The following CNGA1 variants were observed in gnomAD, a reference collection of about 807,000 sequenced individuals.
CNGA1 encodes cyclic nucleotide gated channel subunit alpha 1, also known as cyclic nucleotide-gated channel alpha-1.
In CNGA1, 53 loss-of-function variants were observed where a neutral mutation model predicts 69.7. The observed-to-expected ratio is 0.76, with a 90% confidence interval of 0.61 to 0.96. The LOEUF (loss-of-function observed/expected upper bound fraction) is 0.96. CNGA1 is among the 40% of genes least tolerant of loss of function. CNGA1 has a pLI of 0.00. For synonymous variants in CNGA1, 249 were observed against 283.5 expected, an observed-to-expected ratio of 0.88 and a Z score of 1.22; for missense variants, 739 against 811.2, an observed-to-expected ratio of 0.91 and a Z score of 1.08.
rs1714886568 is a variant in CNGA1, at chr4:48,005,623, A to G, written c.-123+5171T>C. On this transcript the variant is annotated intron_variant, in intron 2 of 10. Coordinates refer to ENST00000514170, the MANE Select transcript of CNGA1 (RefSeq NM_001379270.1). ...AAATTCCTTTCCTGTTGAGGTTCCAAGATAAACCTGGGGCTCCTGGACCTG... is the reference window on the plus strand; with the variant it reads ...AAATTCCTTTCCTGTTGAGGTTCCAGGATAAACCTGGGGCTCCTGGACCTG... Among the ~76,000 whole-genome samples, 6 of 152,164 alleles carry G rather than the reference A, an allele frequency of 3.9e-5. No individual in the cohort carries two copies. In the South Asian group the frequency reaches 1.2e-3, roughly 32 times the overall value.
At chr4:47,986,611 T>C (rs1424542629) in intron 2 of CNGA1, among the ~76,000 whole-genome samples, 1 of 152,166 alleles carries the variant, frequency 6.6e-6, no homozygotes, top group Non-Finnish European at 1.5e-5. Context: ...TAAAATTTGC[T>C]CAAATGTTTG....
At chr4:47,988,642 T>C (rs1742093857) in intron 2 of CNGA1, among the ~76,000 whole-genome samples, 1 of 152,172 alleles carries the variant, frequency 6.6e-6, no homozygotes, top group African/African-American at 2.4e-5. Context: ...ATATTATATT[T>C]AGTATAATAT....
chr4:47,963,411 T>C (rs1197834454), intron 3 of CNGA1, among the ~76,000 whole-genome samples: 1 of 152,246 alleles, frequency 6.6e-6, no homozygotes, highest in African/African-American at 2.4e-5. Flanking sequence ...GCCGCTATCA[T>C]ATTCCTGATA....
At chr4:47,958,495 G>T (rs565788042) in intron 3 of CNGA1, among the ~76,000 whole-genome samples, 2 of 152,088 alleles carry the variant, frequency 1.3e-5, no homozygotes, top group East Asian at 3.9e-4. Flanking sequence ...ATGATGGCGG[G>T]TGACTAATCC....
intron 8 of CNGA1, 39 bp from the exon 9 acceptor site, chr4:47,942,187 T>C: frequency 2.4e-6 from 3 of 1,227,446 alleles, no homozygotes; most frequent in Non-Finnish European, 3.6e-6. Context: ...GTTACCAAGA[T>C]ACAAGAACAT....
intron 3 of CNGA1, among the ~76,000 whole-genome samples, chr4:47,973,039 T>C (rs1741126323): frequency 6.6e-6 from 1 of 151,698 alleles, no homozygotes; most frequent in Non-Finnish European, 1.5e-5. Context: ...GAAAGGCTGA[T>C]ATAGTACACA....
chr4:47,982,025 G>A (rs1741740178), intron 2 of CNGA1, among the ~76,000 whole-genome samples: 1 of 152,114 alleles, frequency 6.6e-6, no homozygotes, highest in African/African-American at 2.4e-5. Flanking sequence ...AATAAAATAG[G>A]ATAAAGCTGA....
intron 2 of CNGA1, among the ~76,000 whole-genome samples, chr4:47,998,746 C>A (rs1714515202): frequency 6.6e-6 from 1 of 152,026 alleles, no homozygotes. Context: ...CTGCTGCACT[C>A]CAGTTGGGCA....
At chr4:47,971,716 A>G (rs1205668421) in intron 3 of CNGA1, among the ~76,000 whole-genome samples, 2 of 152,212 alleles carry the variant, frequency 1.3e-5, no homozygotes, top group East Asian at 3.8e-4. Flanking sequence ...CAACATGGTG[A>G]AATCCCGTCT....
At chr4:47,983,415 CCT>C (rs1741832739) in intron 2 of CNGA1, among the ~76,000 whole-genome samples, 1 of 151,812 alleles carries the variant, frequency 6.6e-6, no homozygotes, top group Non-Finnish European at 1.5e-5. Flanking sequence ...ATGAGGAAAC[CCT>C]GTCTCTACTA....
intron 3 of CNGA1, among the ~76,000 whole-genome samples, chr4:47,963,117 T>A (rs1294597392): frequency 1.3e-5 from 2 of 152,056 alleles, no homozygotes; most frequent in African/African-American, 4.8e-5. Context: ...ACCACCACAT[T>A]TGGCTAATTT....
At chr4:48,008,191 T>TA (rs1715003456) in intron 2 of CNGA1, among the ~76,000 whole-genome samples, 1 of 152,160 alleles carries the variant, frequency 6.6e-6, no homozygotes, top group South Asian at 2.1e-4. Context: ...GGGTTTTTTT[T>TA]AAATAAATTC....
intron 3 of CNGA1, chr4:47,958,953 T>C (rs1316291318): frequency 6.6e-6 from 1 of 152,230 alleles, no homozygotes; most frequent in African/African-American, 2.4e-5. Context: ...AAGTTAAAGC[T>C]ACAAATAAAT....
rs1390166856 is a variant in CNGA1, at chr4:47,936,019, A to C, written c.*402T>G. On this transcript the variant is annotated 3_prime_UTR_variant, in exon 11 of 11. Coordinates refer to ENST00000514170, the MANE Select transcript of CNGA1 (RefSeq NM_001379270.1). ...CTTTATTGCAGTCTAATTTTTAAAAATGTTATCCCAAATATGATGTACATG... is the reference window on the plus strand; with the variant it reads ...CTTTATTGCAGTCTAATTTTTAAAACTGTTATCCCAAATATGATGTACATG... 5.3e-6 allele frequency: 1 copy of C among 188,886 alleles called. No homozygotes were observed. The highest frequency in any genetic ancestry group is 2.4e-5 in the African/African-American group (1 of 42,082). 11.7% of individuals were successfully genotyped at this position (188,886 alleles called of 1,614,324 possible).
rs1391354802 is a variant in CNGA1 at position 47,995,206 on chromosome 4, T to C, written c.-122-13706A>G. 3.9e-5 allele frequency among the ~76,000 whole-genome samples: 6 copies of C among 152,200 alleles called. No homozygotes were observed. In the East Asian group the frequency reaches 9.6e-4, roughly 24 times the overall value. On this transcript the variant is annotated intron_variant, in intron 2 of 10. Transcript: ENST00000514170. ...TCCTAGGTGTTCTTTGTGCTTCTTGTATTTGGATGTCTAGGTCTCTAGCAA... is the reference window on the plus strand; with the variant it reads ...TCCTAGGTGTTCTTTGTGCTTCTTGCATTTGGATGTCTAGGTCTCTAGCAA...
Position 47,949,889 on chromosome 4 carries a change from C to T in CNGA1, c.231G>A (p.Gln77=). The change falls in exon 6 of 11, where the codon CAG becomes CAA. Residue 77 remains glutamine, a synonymous_variant. Coordinates refer to ENST00000514170, the MANE Select transcript of CNGA1 (RefSeq NM_001379270.1). ...AAAGTGCAATGGCACCAGGCAGGTA[C>T]TGCTCCCTGGGAAATGAAAAACATG... ...LRKGGPSQRE[Q]YLPGAIALFN... 6.2e-7 allele frequency: 1 copy of T among 1,613,982 alleles called. No individual in the cohort carries two copies. Among genetic ancestry groups the T allele is most frequent in the Non-Finnish European group, 8.5e-7 (1 of 1,179,868 alleles).
intron 3 of CNGA1, among the ~76,000 whole-genome samples, chr4:47,974,113 TA>T (rs202090246): frequency 6.8e-6 from 1 of 147,118 alleles, no homozygotes; most frequent in African/African-American, 2.5e-5. Context: ...GATAGATAGA[TA>T]GATAGATAGA....
At chr4:47,979,227 G>A (rs1258960336) in intron 3 of CNGA1, among the ~76,000 whole-genome samples, 1 of 151,696 alleles carries the variant, frequency 6.6e-6, no homozygotes, top group African/African-American at 2.4e-5. Context: ...AAGCTGAGGC[G>A]GGAGGATCGC....
intron 2 of CNGA1, among the ~76,000 whole-genome samples, chr4:47,996,978 T>C (rs1742497240): frequency 6.6e-6 from 1 of 152,122 alleles, no homozygotes; most frequent in South Asian, 2.1e-4. Flanking sequence ...GAGAATCACT[T>C]GAACCCAGGA....
Sources: gnomAD v4.1 joint callset for allele counts (sites outside exome capture counted in the v4.1 genomes callset) on GRCh38, gnomAD v4.1.1 for gene constraint, MANE v1.5 for transcripts, NCBI Gene and HGNC (gene_info 2026-07-23, HGNC 2026-07-21) for gene names.